Variants in TMEM178B observed in about 807,000 individuals in gnomAD.
TMEM178B encodes the protein transmembrane protein 178B.
Under a neutral mutation model 31.0 loss-of-function variants are expected in TMEM178B, and 5 were observed. The observed-to-expected ratio is 0.16, with a 90% CI of 0.08 to 0.34. TMEM178B has a LOEUF of 0.34. Among genes scored for constraint, TMEM178B ranks in the 10% least tolerant of loss-of-function variants. TMEM178B has a pLI of 1.00. For missense variants in TMEM178B, 275 were observed against 400.3 expected (o/e 0.69, Z 2.67); for synonymous variants, 164 against 164.0 (o/e 1.00, Z 0.00).
At chr7:141,272,947 T>C (rs1479564186) in intron 2 of TMEM178B, among the ~76,000 whole-genome samples, 1 of 152,226 alleles carries the variant, frequency 6.6e-6, no homozygotes, top group African/African-American at 2.4e-5. Flanking sequence ...TTATTCACAC[T>C]AGCCGAGATA....
At chr7:141,178,682 C>T (rs559136944) in intron 1 of TMEM178B, among the ~76,000 whole-genome samples, 24 of 152,288 alleles carry the variant, frequency 1.6e-4, no homozygotes, top group African/African-American at 5.8e-4. Flanking sequence ...TTATGTGCTC[C>T]ATGGTGATCC....
At chr7:141,428,696 C>G (rs1266878603) in intron 2 of TMEM178B, among the ~76,000 whole-genome samples, 1 of 152,170 alleles carries the variant, frequency 6.6e-6, no homozygotes, top group East Asian at 1.9e-4. Context: ...ACCCTGGAAC[C>G]ATGCCAATGT....
At chr7:141,382,239 C>T (rs566772015) in intron 2 of TMEM178B, among the ~76,000 whole-genome samples, 91 of 152,314 alleles carry the variant, frequency 6.0e-4, no homozygotes, top group Non-Finnish European at 7.2e-4. Flanking sequence ...GGTCAATATC[C>T]AGACTCCTCA....
At chr7:141,136,589 T>G (rs1795679040) in intron 1 of TMEM178B, among the ~76,000 whole-genome samples, 1 of 152,120 alleles carries the variant, frequency 6.6e-6, no homozygotes, top group Admixed American at 6.5e-5. Context: ...AGAGACAACC[T>G]GTAGAATGGT....
intron 2 of TMEM178B, among the ~76,000 whole-genome samples, chr7:141,233,583 A>G (rs771487946): frequency 4.6e-5 from 7 of 152,144 alleles, no homozygotes; most frequent in Non-Finnish European, 8.8e-5. Flanking sequence ...TGTAACTTCC[A>G]TGTCCCACTG....
chr7:141,296,124 A>G (rs10952498), intron 2 of TMEM178B, among the ~76,000 whole-genome samples: 59,657 of 151,610 alleles, frequency 0.39, 12,484 homozygotes, highest in Admixed American at 0.48. Flanking sequence ...CTGGAGTGCA[A>G]TAGTGCAATC....
chr7:141,239,788 T>C (rs1208403681), intron 2 of TMEM178B, among the ~76,000 whole-genome samples: 1 of 152,180 alleles, frequency 6.6e-6, no homozygotes, highest in Non-Finnish European at 1.5e-5. Context: ...AGCTTTTCCA[T>C]AGGACTTGGT....
intron 2 of TMEM178B, among the ~76,000 whole-genome samples, chr7:141,229,733 G>A (rs888686958): frequency 2.0e-5 from 3 of 151,828 alleles, no homozygotes; most frequent in Non-Finnish European, 4.4e-5. Flanking sequence ...GACCAGCCTG[G>A]GCAACATAGT....
intron 1 of TMEM178B, among the ~76,000 whole-genome samples, chr7:141,118,777 T>C (rs576599124): frequency 1.1e-4 from 16 of 152,314 alleles, no homozygotes; most frequent in Non-Finnish European, 1.9e-4. Flanking sequence ...GAAGTTTGCC[T>C]TTGCAAAGAA....
intron 1 of TMEM178B, among the ~76,000 whole-genome samples, chr7:141,092,788 T>C (rs1374803108): frequency 6.6e-6 from 1 of 151,786 alleles, no homozygotes; most frequent in African/African-American, 2.4e-5. Flanking sequence ...TGTGAGGTGG[T>C]GAGTTGAAAT....
At chr7:141,181,443 G>T (rs776109089) in intron 1 of TMEM178B, among the ~76,000 whole-genome samples, 6 of 152,128 alleles carry the variant, frequency 3.9e-5, no homozygotes, top group Non-Finnish European at 8.8e-5. Context: ...AGTTGGTGTA[G>T]ACCAGTCGAT....
At chr7:141,289,714 C>CAA (rs35000633) in intron 2 of TMEM178B, among the ~76,000 whole-genome samples, 38,324 of 91,822 alleles carry the variant, frequency 0.42, 6,775 homozygotes, top group East Asian at 0.59. Context: ...GACCCTGTCT[C>CAA]AAAAAAAAAA....
At chr7:141,198,607 A>G (rs1359349332) in intron 1 of TMEM178B, among the ~76,000 whole-genome samples, 1 of 152,150 alleles carries the variant, frequency 6.6e-6, no homozygotes, top group Non-Finnish European at 1.5e-5. Flanking sequence ...AAAGTGCCAG[A>G]CTGGCCTCCT....
intron 2 of TMEM178B, among the ~76,000 whole-genome samples, chr7:141,339,497 C>G (rs1005709599): frequency 6.6e-6 from 1 of 152,102 alleles, no homozygotes; most frequent in African/African-American, 2.4e-5. Flanking sequence ...AAAACCAAGA[C>G]TACACTTCAG....
intron 1 of TMEM178B, among the ~76,000 whole-genome samples, chr7:141,080,642 A>G (rs1373913072): frequency 6.6e-6 from 1 of 152,252 alleles, no homozygotes; most frequent in Non-Finnish European, 1.5e-5. Flanking sequence ...CATAGAGTAA[A>G]AATAATATCT....
At chr7:141,277,478 T>C (rs767399150) in intron 2 of TMEM178B, among the ~76,000 whole-genome samples, 2 of 152,156 alleles carry the variant, frequency 1.3e-5, no homozygotes, top group Non-Finnish European at 2.9e-5. Context: ...TTTCCTAGGA[T>C]AACAATGCCT....
At chr7:141,079,123 G>C (rs1395037108) in intron 1 of TMEM178B, among the ~76,000 whole-genome samples, 1 of 152,060 alleles carries the variant, frequency 6.6e-6, no homozygotes, top group Non-Finnish European at 1.5e-5. Context: ...CCCATCTCTA[G>C]TAAAAATACA....
At chr7:141,194,369 A>C (rs1350243540) in intron 1 of TMEM178B, among the ~76,000 whole-genome samples, 3 of 152,198 alleles carry the variant, frequency 2.0e-5, no homozygotes, top group Non-Finnish European at 4.4e-5. Context: ...TTGGCTAAAA[A>C]CAGCCATTTC....
At chr7:141,335,774 C>T (rs1025640506) in intron 2 of TMEM178B, among the ~76,000 whole-genome samples, 21 of 152,124 alleles carry the variant, frequency 1.4e-4, no homozygotes, top group East Asian at 3.9e-4. Context: ...GTGAGAAATT[C>T]GGGTGATGTT....
Sources: allele counts gnomAD v4.1 joint callset (sites outside exome capture counted in the v4.1 genomes callset), GRCh38; gene constraint gnomAD v4.1.1; transcripts MANE v1.5; gene names NCBI Gene and HGNC (gene_info 2026-07-23, HGNC 2026-07-21).